PLEKHA7: variants seen among roughly 807,000 people sequenced by gnomAD.
PLEKHA7 encodes pleckstrin homology domain-containing family A member 7.
A neutral mutation model predicts 170.0 loss-of-function variants in PLEKHA7; 104 were observed. The observed-to-expected ratio is 0.61, with a 90% CI of 0.52 to 0.72. The LOEUF is 0.72. PLEKHA7 is among the 30% of genes least tolerant of loss of function. The pLI is 0.00. For missense variants in PLEKHA7, 1,615 were observed against 1,671.7 expected, an observed-to-expected ratio of 0.97 and a Z score of 0.59; for synonymous variants, 648 against 660.8, an observed-to-expected ratio of 0.98 and a Z score of 0.30.
intron 15 of PLEKHA7, 123 bp from the exon 16 acceptor site, chr11:16,801,940 T>A: frequency 8.1e-7 from 1 of 1,236,930 alleles, no homozygotes; most frequent in Non-Finnish European, 1.1e-6. Flanking sequence ...CGCTGAGATG[T>A]GGGCCCACAG....
At chr11:16,854,667 G>GTCACCTTAAATTCCCT (rs1853277963) in intron 6 of PLEKHA7, among the ~76,000 whole-genome samples, 2 of 152,196 alleles carry the variant, frequency 1.3e-5, no homozygotes, top group Admixed American at 6.5e-5. Flanking sequence ...GGGCCAAAGT[G>GTCACCTTAAATTCCCT]GTCAAGTGGG....
chr11:16,881,851 C>T (rs1457393328), intron 3 of PLEKHA7, among the ~76,000 whole-genome samples: 1 of 152,156 alleles, frequency 6.6e-6, no homozygotes, highest in East Asian at 1.9e-4. Context: ...TCAGCAAACC[C>T]ACTCCCCCTG....
intron 23 of PLEKHA7, chr11:16,786,654 T>A (rs1849417054): frequency 1.0e-6 from 1 of 985,282 alleles, no homozygotes; most frequent in African/African-American, 1.7e-5. Flanking sequence ...CTCACAGTGG[T>A]CCCCAGGGAA....
Position 16,826,323 on chromosome 11 carries a change from G to C in PLEKHA7, c.1140C>G (p.Gly380=). Residue 380 remains glycine (G), a synonymous_variant, in exon 10 of 27, where the codon GGC becomes GGG. Coordinates refer to ENST00000531066, the MANE Select transcript of PLEKHA7 (RefSeq NM_001329630.2). ...EDALFMDLPT[G]PRGQQAQPQR... ...GGGGCTGTGCCTGCTGGCCTCTTGGGCCAGTGGGTAAATCCATAAACAAGG... is the reference window on the plus strand; with the variant it reads ...GGGGCTGTGCCTGCTGGCCTCTTGGCCCAGTGGGTAAATCCATAAACAAGG... 1 of 1,614,232 alleles carries C rather than the reference G, an allele frequency of 6.2e-7. No individual in the cohort carries two copies. Among genetic ancestry groups the C allele is most frequent in the Non-Finnish European group, 8.5e-7 (1 of 1,180,038 alleles).
At chr11:16,928,907 A>T (rs1238445454) in intron 3 of PLEKHA7, among the ~76,000 whole-genome samples, 1 of 152,016 alleles carries the variant, frequency 6.6e-6, no homozygotes, top group African/African-American at 2.4e-5. Flanking sequence ...TTCAGTTAAT[A>T]AATAAATAAA....
chr11:16,789,884 TGAG>T lies in PLEKHA7; in HGVS notation c.3053-9_3053-7del, dbSNP rs1356616318. 3 of 1,612,650 alleles carry T rather than the reference TGAG, an allele frequency of 1.9e-6. No homozygotes were observed. Among genetic ancestry groups the T allele is most frequent in the Non-Finnish European group, 2.5e-6 (3 of 1,178,850 alleles). The stretch of plus-strand genomic sequence containing the variant: ...TGACGTGGACCCTGAGAGCCCTTAG[TGAG>T]GAAAGAGAAGTGCAAGCATGTTTGT... On this transcript the variant is annotated splice_polypyrimidine_tract_variant and splice_region_variant and intron_variant, in intron 21 of 26. Coordinates refer to ENST00000531066, the MANE Select transcript of PLEKHA7 (RefSeq NM_001329630.2). The surrounding 1 kb of genome is among the most constrained non-coding windows in gnomAD (Gnocchi z 4.6).
At chr11:17,014,232 C>A in intron 1 of PLEKHA7, 31 bp from the exon 2 acceptor site, 1 of 1,445,704 alleles carries the variant, frequency 6.9e-7, no homozygotes, top group Non-Finnish European at 9.0e-7. Flanking sequence ...CTGTTAGCGC[C>A]GCCACAGCCC....
At chr11:16,832,988 A>G (rs955062202) in intron 9 of PLEKHA7, among the ~76,000 whole-genome samples, 33 of 152,234 alleles carry the variant, frequency 2.2e-4, no homozygotes, top group African/African-American at 8.0e-4. Flanking sequence ...GAAGAGAAAG[A>G]AGCCCAAAGT....
chr11:16,906,233 AGG>A, intron 3 of PLEKHA7, among the ~76,000 whole-genome samples: 1 of 41,520 alleles, frequency 2.4e-5, no homozygotes, highest in Non-Finnish European at 7.9e-5. Context: ...GTAGGAAGGA[AGG>A]AAGGAAGGAA....
At chr11:16,918,211 T>C (rs111579047) in intron 3 of PLEKHA7, among the ~76,000 whole-genome samples, 2 of 152,224 alleles carry the variant, frequency 1.3e-5, no homozygotes, top group African/African-American at 4.8e-5. Flanking sequence ...TGTCACTGAA[T>C]AGCATGAGTC....
intron 3 of PLEKHA7, among the ~76,000 whole-genome samples, chr11:16,962,490 T>C (rs576776849): frequency 6.6e-6 from 1 of 152,280 alleles, no homozygotes; most frequent in South Asian, 2.1e-4. Context: ...GGATACAGTC[T>C]CATACCATTG....
At chr11:16,985,781 T>A (rs573268096) in intron 3 of PLEKHA7, among the ~76,000 whole-genome samples, 1 of 152,372 alleles carries the variant, frequency 6.6e-6, no homozygotes, top group East Asian at 1.9e-4. Flanking sequence ...TAAGGTGATA[T>A]GTGGCAAGAG....
intron 3 of PLEKHA7, among the ~76,000 whole-genome samples, chr11:16,877,404 TA>T (rs1855382135): frequency 6.6e-6 from 1 of 152,192 alleles, no homozygotes; most frequent in African/African-American, 2.4e-5. Flanking sequence ...GGCCCCACAA[TA>T]AAGAGGTAGC....
chr11:16,807,558 AG>A (rs1849076659), intron 13 of PLEKHA7, among the ~76,000 whole-genome samples: 1 of 152,196 alleles, frequency 6.6e-6, no homozygotes, highest in African/African-American at 2.4e-5. Context: ...GAAGGCAAGG[AG>A]GAACATGATA....
At chr11:16,806,551 G>C (rs921096097) in intron 13 of PLEKHA7, among the ~76,000 whole-genome samples, 3 of 152,156 alleles carry the variant, frequency 2.0e-5, no homozygotes, top group African/African-American at 7.2e-5. Context: ...GCTCACGATG[G>C]TTGGACACAA....
intron 3 of PLEKHA7, among the ~76,000 whole-genome samples, chr11:16,949,737 A>G (rs1268059490): frequency 6.6e-6 from 1 of 152,184 alleles, no homozygotes. Context: ...GAGTTAAGAC[A>G]TGGATATAAA....
intron 3 of PLEKHA7, among the ~76,000 whole-genome samples, chr11:16,926,772 G>A (rs1251728391): frequency 1.3e-5 from 2 of 152,208 alleles, no homozygotes. Flanking sequence ...GCACATCTGG[G>A]CTTTTATCCA....
chr11:16,982,768 C>T (rs572860854), intron 3 of PLEKHA7, among the ~76,000 whole-genome samples: 11 of 141,312 alleles, frequency 7.8e-5, no homozygotes, highest in South Asian at 7.0e-4. Flanking sequence ...CTTCACCTCC[C>T]TCACTATCCC....
intron 9 of PLEKHA7, among the ~76,000 whole-genome samples, chr11:16,840,128 G>A (rs1373779698): frequency 6.6e-6 from 1 of 152,198 alleles, no homozygotes; most frequent in African/African-American, 2.4e-5. Context: ...CTGATTCAGG[G>A]CCCATGGGGA....
Sources: allele counts gnomAD v4.1 joint callset (sites outside exome capture counted in the v4.1 genomes callset), GRCh38; gene constraint gnomAD v4.1.1; non-coding constraint Gnocchi (gnomAD v3.1); transcripts MANE v1.5; gene names NCBI Gene and HGNC (gene_info 2026-07-23, HGNC 2026-07-21).